The following SLC43A1 variants were observed in gnomAD, a reference collection of about 807,000 sequenced individuals.
The protein encoded by SLC43A1 is large neutral amino acids transporter small subunit 3.
SLC43A1 carries 31 observed loss-of-function variants against 59.5 expected under a neutral mutation model. The ratio of observed to expected loss-of-function variants is 0.52; its 90% CI spans 0.39 to 0.70. SLC43A1 has a LOEUF of 0.70. SLC43A1 is among the 30% of genes least tolerant of loss of function. SLC43A1 has a pLI of 0.00. For synonymous variants in SLC43A1, 259 were observed against 290.9 expected (o/e 0.89, Z 1.12); for missense variants, 598 against 717.8 (o/e 0.83, Z 1.91).
At chr11:57,513,126 C>T (rs145172469) in intron 2 of SLC43A1, among the ~76,000 whole-genome samples, 1 of 152,276 alleles carries the variant, frequency 6.6e-6, no homozygotes, top group African/African-American at 2.4e-5. Flanking sequence ...AGGAACTCAC[C>T]GAAGTCACCA....
rs1251245001 is a variant in SLC43A1, at chr11:57,484,899, G to A, written c.*197C>T. The stretch of plus-strand genomic sequence containing the variant: ...AGGGACTGTCTTCAGTCAATGGAGC[G>A]TTGACTTAGGGGGCGTTTTTGAAGG... On this transcript the variant is annotated 3_prime_UTR_variant, in exon 15 of 15. Transcript: ENST00000278426. 8 of 568,562 alleles carry A rather than the reference G, an allele frequency of 1.4e-5. No homozygotes were observed. The East Asian group carries it at 1.7e-4, about 12-fold the overall frequency. 35.2% of individuals were successfully genotyped at this position (568,562 alleles called of 1,614,324 possible). A position where few individuals can be genotyped will look rare whatever the true frequency, so the allele number is the denominator to read the frequency against.
At chr11:57,495,149 A>G (rs1944042614) in intron 7 of SLC43A1, among the ~76,000 whole-genome samples, 2 of 151,246 alleles carry the variant, frequency 1.3e-5, no homozygotes, top group African/African-American at 2.4e-5. Flanking sequence ...CGCCTGGCCC[A>G]TTACTTTTAA....
intron 2 of SLC43A1, among the ~76,000 whole-genome samples, chr11:57,509,658 G>A (rs1376474694): frequency 3.9e-5 from 5 of 128,046 alleles, no homozygotes; most frequent in African/African-American, 1.2e-4. Flanking sequence ...AGGAGGGAGG[G>A]AGGGAGGAAG....
Position 57,515,094 on chromosome 11 carries a change from A to C in SLC43A1, c.-14+350T>G. The C allele has an allele frequency of 1.0e-6, 1 of 984,662 alleles. No homozygotes were observed. Among genetic ancestry groups the C allele is most frequent in the Non-Finnish European group, 1.2e-6 (1 of 829,462 alleles). The allele number at this position is 984,662 out of a possible 1,614,324, so 61.0% of individuals were successfully genotyped here. ...AAGAAAGACCCAGAGAGAGGGGAGG[A>C]AGTACCAGTCACTTCTTCCAGGGGG... is the stretch of plus-strand genomic sequence containing the variant. On this transcript the variant is annotated intron_variant, in intron 1 of 14. Transcript: ENST00000278426. This position sits in a 1 kb window ranked among gnomAD's most constrained non-coding sequence, Gnocchi z 5.3.
At position 57,492,555 on chromosome 11, in the gene SLC43A1, TATATATATATATATATATAA is replaced by T. The variant is rs1166233402; in HGVS notation, c.872-713_872-694del. Among the ~76,000 whole-genome samples, 23 of 69,512 alleles carry T rather than the reference TATATATATATATATATATAA, an allele frequency of 3.3e-4. 2 individuals carry two copies. The East Asian group carries it at 3.5e-3, about 11-fold the overall frequency. 45.6% of individuals were successfully genotyped at this position (69,512 alleles called of 152,430 possible). A position where few individuals can be genotyped will look rare whatever the true frequency, so the allele number is the denominator to read the frequency against. On this transcript the variant is annotated intron_variant, in intron 8 of 14. Coordinates refer to ENST00000278426, the MANE Select transcript of SLC43A1 (RefSeq NM_003627.6). ...TTTTGTGTATATATATATATATATA[TATATATATATATATATATAA>T]AAAAATAAGCCAGGCATGGTTGTGC...
rs766441522 is a variant in SLC43A1 at position 57,496,190 on chromosome 11, G to C, written c.559-26C>G. ...CTGTGAGAGGAGGGGGCAGGCCCGT[G>C]GGGGAGACTGCCTGGCCCCAGACCC... On this transcript the variant is annotated intron_variant, in intron 6 of 14. Transcript: ENST00000278426. The C allele has an allele frequency of 5.0e-6, 8 of 1,612,196 alleles. No individual in the cohort carries two copies. In the African/African-American group the frequency reaches 8.0e-5, roughly 16 times the overall value.
At chr11:57,487,883 A>T (rs1031266801) in intron 13 of SLC43A1, among the ~76,000 whole-genome samples, 1 of 152,146 alleles carries the variant, frequency 6.6e-6, no homozygotes, top group African/African-American at 2.4e-5. Context: ...ACATGCAAAG[A>T]TGCCAAGCAG....
At chr11:57,492,575 A>ATAT (rs1565128063) in intron 8 of SLC43A1, among the ~76,000 whole-genome samples, 33 of 23,654 alleles carry the variant, frequency 1.4e-3, no homozygotes, top group African/African-American at 4.9e-3. Flanking sequence ...TATATATATA[A>ATAT]AAAAATAAGC....
At position 57,501,047 on chromosome 11, in the gene SLC43A1, T is replaced by C. The variant is rs1944247252; in HGVS notation, c.333-4A>G. 6.2e-7 allele frequency: 1 copy of C among 1,604,852 alleles called. No homozygotes were observed. Among genetic ancestry groups the C allele is most frequent in the Non-Finnish European group, 8.5e-7 (1 of 1,175,614 alleles). On this transcript the variant is annotated splice_region_variant and splice_polypyrimidine_tract_variant and intron_variant, in intron 3 of 14. Transcript: ENST00000278426. ...GCAGGACGCAGTGAAGCAGGCACTGTGGAGACACAGGGAAGGGCGAGGGGT... is the reference window on the plus strand; with the variant it reads ...GCAGGACGCAGTGAAGCAGGCACTGCGGAGACACAGGGAAGGGCGAGGGGT...
At chr11:57,510,408 A>T (rs1944507387) in intron 2 of SLC43A1, among the ~76,000 whole-genome samples, 1 of 142,700 alleles carries the variant, frequency 7.0e-6, no homozygotes. Flanking sequence ...CAGTGAGCTG[A>T]GATCATGCCA....
chr11:57,508,454 A>G (rs1295177030), intron 2 of SLC43A1, among the ~76,000 whole-genome samples: 1 of 152,194 alleles, frequency 6.6e-6, no homozygotes. Flanking sequence ...ATAAAGTTCC[A>G]AGAAGCAGAA....
At chr11:57,486,113 G>C (rs1943719531) in intron 14 of SLC43A1, among the ~76,000 whole-genome samples, 1 of 152,210 alleles carries the variant, frequency 6.6e-6, no homozygotes, top group Admixed American at 6.5e-5. Context: ...GGTAGAACTG[G>C]ATTGGACCAA....
At chr11:57,507,687 T>C (rs1944423257) in intron 2 of SLC43A1, among the ~76,000 whole-genome samples, 1 of 152,210 alleles carries the variant, frequency 6.6e-6, no homozygotes, top group African/African-American at 2.4e-5. Context: ...TCCTCATTTG[T>C]TGAGCTCTTC....
chr11:57,513,940 G>GC lies in SLC43A1; in HGVS notation c.154+17dup. The stretch of plus-strand genomic sequence containing the variant: ...GCCATCCCTCCCCCCAGCCCACCCA[G>GC]CCCATTTTCAGGCATACCTGGGCAC... On this transcript the variant is annotated intron_variant, in intron 2 of 14. Coordinates refer to ENST00000278426, the MANE Select transcript of SLC43A1 (RefSeq NM_003627.6). 5.5e-6 allele frequency: 3 copies of GC among 544,232 alleles called. No homozygotes were observed. The highest frequency in any genetic ancestry group is 1.0e-5 in the Non-Finnish European group (3 of 286,066). 33.7% of individuals were successfully genotyped at this position (544,232 alleles called of 1,614,324 possible). A position where few individuals can be genotyped will look rare whatever the true frequency, so the allele number is the denominator to read the frequency against.
rs139826782 is a variant in SLC43A1 at position 57,506,963 on chromosome 11, G to A, written c.155-5634C>T. 3.3e-3 allele frequency among the ~76,000 whole-genome samples: 510 copies of A among 152,336 alleles called. 2 individuals carry two copies. The highest frequency in any genetic ancestry group is 0.012 in the African/African-American group (486 of 41,576). On this transcript the variant is annotated intron_variant, in intron 2 of 14. Coordinates refer to ENST00000278426, the MANE Select transcript of SLC43A1 (RefSeq NM_003627.6). Reference sequence around the variant, plus strand: ...CTGAGAAACAGAGGCTCCGTTAGCTGTGATACCCTTATAGGTAGGTCAGAG... The same window carrying A: ...CTGAGAAACAGAGGCTCCGTTAGCTATGATACCCTTATAGGTAGGTCAGAG...
chr11:57,489,486 A>C, intron 11 of SLC43A1, 94 bp from the exon 12 acceptor site: 2 of 1,435,646 alleles, frequency 1.4e-6, no homozygotes, highest in Non-Finnish European at 1.9e-6. Context: ...TGTGCCTTCG[A>C]TGTCAGGGCA....
rs981282278 is a variant in SLC43A1, at chr11:57,515,018, G to A, written c.-14+426C>T. ...GAGAGGGAACGCGGGCGGCGCGGGGGCGGGGAGCGACAACTGGGATGAGAC... is the reference window on the plus strand; with the variant it reads ...GAGAGGGAACGCGGGCGGCGCGGGGACGGGGAGCGACAACTGGGATGAGAC... On this transcript the variant is annotated intron_variant, in intron 1 of 14. Coordinates refer to ENST00000278426, the MANE Select transcript of SLC43A1 (RefSeq NM_003627.6). The surrounding 1 kb of genome is among the most constrained non-coding windows in gnomAD (Gnocchi z 5.3). 6.5e-5 allele frequency: 64 copies of A among 984,982 alleles called. No homozygotes were observed. The highest frequency in any genetic ancestry group is 1.1e-4 in the East Asian group (1 of 8,782). 61.0% of individuals were successfully genotyped at this position (984,982 alleles called of 1,614,324 possible).
rs1410346640 is a variant in SLC43A1 at position 57,489,303 on chromosome 11, A to G, written c.1283T>C (p.Leu428Pro). The G allele has an allele frequency of 4.3e-6, 7 of 1,614,092 alleles. No homozygotes were observed. In the African/African-American group the frequency reaches 6.7e-5, roughly 15 times the overall value. ...GGTGATGCCAAAACCCACAAGCAGC[A>G]GGTTGGTCAGGGTGAAGGCACTGAT... ...NAISAFTLTN[L>P]LLVGFGITCL... The change falls in exon 12 of 15, where the codon CTG (leucine) becomes CCG (proline). Residue 428 changes from leucine to proline, a missense_variant. By Grantham distance (98) the Leu-to-Pro change is moderately conservative. Transcript: ENST00000278426.
chr11:57,497,954 A>G (rs1944139444), intron 5 of SLC43A1, 109 bp from the exon 6 acceptor site: 1 of 727,550 alleles, frequency 1.4e-6, no homozygotes, highest in African/African-American at 1.8e-5. Context: ...AAAAGCCCCA[A>G]GGTAAAACAA....
Sources: allele counts gnomAD v4.1 joint callset (sites outside exome capture counted in the v4.1 genomes callset), GRCh38; gene constraint gnomAD v4.1.1; non-coding constraint Gnocchi (gnomAD v3.1); transcripts MANE v1.5; gene names NCBI Gene and HGNC (gene_info 2026-07-23, HGNC 2026-07-21).